FARP2: variants seen among roughly 807,000 people sequenced by gnomAD.
The protein encoded by FARP2 is FERM, ARH/RhoGEF and pleckstrin domain protein 2, also known as FERM, ARHGEF and pleckstrin domain-containing protein 2.
In FARP2, 111 loss-of-function variants were observed where a neutral mutation model predicts 130.5. The ratio of observed to expected loss-of-function variants is 0.85; its 90% CI spans 0.73 to 1.00. FARP2 has a LOEUF of 1.00. Ranked by LOEUF, FARP2 falls within the 50% of genes least tolerant of loss-of-function variation. The pLI is 0.00. For synonymous variants in FARP2, 504 were observed against 516.9 expected, an observed-to-expected ratio of 0.98 and a Z score of 0.34; for missense variants, 1,385 against 1,346.3, an observed-to-expected ratio of 1.03 and a Z score of -0.45.
At chr2:241,448,798 G>A (rs529035093) in intron 13 of FARP2, among the ~76,000 whole-genome samples, 14 of 152,330 alleles carry the variant, frequency 9.2e-5, no homozygotes, top group Admixed American at 7.2e-4. Context: ...GAGCAGCAGC[G>A]GTGGCTCCAC....
chr2:241,465,759 T>C, intron 17 of FARP2: 1 of 1,550,540 alleles, frequency 6.4e-7, no homozygotes, highest in Non-Finnish European at 8.7e-7. Context: ...CGACGACGAC[T>C]CAAGCTCCCC....
intron 18 of FARP2, among the ~76,000 whole-genome samples, chr2:241,474,801 T>TA (rs374193358): frequency 0.011 from 1,602 of 140,280 alleles, 32 homozygotes; most frequent in South Asian, 0.074. Flanking sequence ...CTAATAATAA[T>TA]AATAAATAAA....
chr2:241,415,539 G>A (rs2062642338), intron 7 of FARP2, among the ~76,000 whole-genome samples: 1 of 152,204 alleles, frequency 6.6e-6, no homozygotes, highest in African/African-American at 2.4e-5. Flanking sequence ...ATGCTGGGGA[G>A]AGTGTTGTCA....
intron 13 of FARP2, chr2:241,445,850 C>T (rs913113744): frequency 6.6e-6 from 1 of 152,300 alleles, no homozygotes; most frequent in African/African-American, 2.4e-5. Context: ...AGGCAGGGCG[C>T]ATCAGGGGCT....
intron 1 of FARP2, among the ~76,000 whole-genome samples, chr2:241,370,313 C>G (rs1044551570): frequency 2.0e-5 from 3 of 152,076 alleles, no homozygotes; most frequent in African/African-American, 4.8e-5. Flanking sequence ...TTTAGAAGAT[C>G]TATTATATAG....
intron 13 of FARP2, among the ~76,000 whole-genome samples, chr2:241,452,288 C>G (rs1203770473): frequency 6.6e-6 from 1 of 152,186 alleles, no homozygotes; most frequent in Non-Finnish European, 1.5e-5. Context: ...TCAGCTAAAC[C>G]TGTTCCCCAG....
At chr2:241,471,052 TGAG>T (rs1162726543) in intron 18 of FARP2, among the ~76,000 whole-genome samples, 6 of 151,684 alleles carry the variant, frequency 4.0e-5, no homozygotes, top group African/African-American at 1.5e-4. Flanking sequence ...GAACATGTTC[TGAG>T]GAGGATGCTG....
Position 241,373,127 on chromosome 2 carries a change from C to G in FARP2, c.20C>G (p.Thr7Arg), listed in dbSNP as rs758712076. The stretch of plus-strand genomic sequence containing the variant: ...TGAAGAATGGGGGAGATAGAAGGAA[C>G]ATACAGAGTCCTGCAGACTGCAGGG... MGEIEG[T>R]YRVLQTAGMR... is the part of the protein sequence containing the mutation. The change falls in exon 2 of 27, where the codon ACA becomes AGA. Residue 7 changes from threonine (T) to arginine (R), a missense_variant. Thr to Arg is a moderately conservative substitution (Grantham distance 71, BLOSUM62 -1). Transcript: ENST00000264042. 1.4e-6 allele frequency: 2 copies of G among 1,406,368 alleles called. No homozygotes were observed. The highest frequency in any genetic ancestry group is 9.4e-7 in the Non-Finnish European group (1 of 1,064,986). The allele number at this position is 1,406,368 out of a possible 1,614,324, so 87.1% of individuals were successfully genotyped here. A position where few individuals can be genotyped will look rare whatever the true frequency, so the allele number is the denominator to read the frequency against.
chr2:241,390,030 T>G (rs964681210), intron 2 of FARP2, among the ~76,000 whole-genome samples: 7 of 152,170 alleles, frequency 4.6e-5, no homozygotes. Context: ...GCTACCCAGG[T>G]CTCTTCCCAT....
intron 1 of FARP2, among the ~76,000 whole-genome samples, chr2:241,360,621 C>T (rs952025514): frequency 6.6e-6 from 1 of 151,094 alleles, no homozygotes; most frequent in Non-Finnish European, 1.5e-5. Context: ...TTGCAGTGAG[C>T]CGTGATCACG....
At chr2:241,408,091 A>C (rs1004576912) in intron 5 of FARP2, among the ~76,000 whole-genome samples, 26 of 152,146 alleles carry the variant, frequency 1.7e-4, no homozygotes, top group Admixed American at 6.6e-5. Flanking sequence ...TAAAGATGGC[A>C]GGGTGCAATG....
intron 21 of FARP2, among the ~76,000 whole-genome samples, chr2:241,487,646 G>GC (rs1465985643): frequency 1.0e-3 from 120 of 116,438 alleles, no homozygotes; most frequent in South Asian, 1.7e-3. Context: ...CAGCCTGGGT[G>GC]ACAGAACAAG....
intron 2 of FARP2, among the ~76,000 whole-genome samples, chr2:241,382,256 A>T (rs1031665971): frequency 6.7e-6 from 1 of 148,980 alleles, no homozygotes; most frequent in Non-Finnish European, 1.5e-5. Flanking sequence ...TAATGGCTAT[A>T]TAGTGTTCTA....
At chr2:241,439,780 G>T (rs2063335267) in intron 12 of FARP2, among the ~76,000 whole-genome samples, 1 of 152,124 alleles carries the variant, frequency 6.6e-6, no homozygotes, top group Non-Finnish European at 1.5e-5. Context: ...TGGCCAACAT[G>T]GTGAAACCCC....
chr2:241,475,977 C>T lies in FARP2; in HGVS notation c.2252C>T (p.Ala751Val), dbSNP rs763420846. The T allele has an allele frequency of 1.4e-5, 22 of 1,612,526 alleles. 1 individual carries two copies. The South Asian group carries it at 2.2e-4, about 16-fold the overall frequency. Reference sequence around the variant, plus strand: ...CTGGTGGGCATAGAGAACCTCATTGCTCCTGGCAGGGTGAGTGACCTTGCT... The same window carrying T: ...CTGGTGGGCATAGAGAACCTCATTGTTCCTGGCAGGGTGAGTGACCTTGCT... Reference protein sequence around the residue: ...RDLVGIENLIAPGREFIREGC... With the variant: ...RDLVGIENLIVPGREFIREGC... The change falls in exon 19 of 27, where the codon GCT becomes GTT. Residue 751 changes from alanine (A) to valine (V), a missense_variant. Transcript: ENST00000264042. The surrounding 1 kb of genome is among the most constrained non-coding windows in gnomAD (Gnocchi z 4.4).
chr2:241,400,794 G>A (rs1465591578), intron 2 of FARP2, among the ~76,000 whole-genome samples: 3 of 152,140 alleles, frequency 2.0e-5, no homozygotes, highest in Non-Finnish European at 4.4e-5. Context: ...ATGGAAGTGT[G>A]GACAGACAGT....
intron 5 of FARP2, 120 bp downstream of exon 5, chr2:241,407,735 A>G (rs1285992053): frequency 1.3e-6 from 1 of 742,842 alleles, no homozygotes; most frequent in Non-Finnish European, 2.3e-6. Context: ...AAAAGTGACC[A>G]TGAGTGTAGA....
chr2:241,368,620 C>T (rs556148328), intron 1 of FARP2, among the ~76,000 whole-genome samples: 2 of 151,992 alleles, frequency 1.3e-5, no homozygotes, highest in Non-Finnish European at 2.9e-5. Flanking sequence ...GGTTACCTGC[C>T]GGTATTCTAT....
chr2:241,466,386 G>A (rs142364663), intron 17 of FARP2: 1 of 985,442 alleles, frequency 1.0e-6, no homozygotes, highest in East Asian at 1.1e-4. Flanking sequence ...ATGACCAGGT[G>A]CAGGTGGGTG....
Sources: allele counts gnomAD v4.1 joint callset (sites outside exome capture counted in the v4.1 genomes callset), GRCh38; gene constraint gnomAD v4.1.1; non-coding constraint Gnocchi (gnomAD v3.1); transcripts MANE v1.5; gene names NCBI Gene and HGNC (gene_info 2026-07-23, HGNC 2026-07-21).